LMNA: variants seen among roughly 807,000 people sequenced by gnomAD.
LMNA encodes the protein lamin A/C.
Under a neutral mutation model 70.4 loss-of-function variants are expected in LMNA, and 20 were observed. That is an observed-to-expected ratio of 0.28 (90% CI 0.20 to 0.41). The LOEUF (loss-of-function observed/expected upper bound fraction) is 0.41. Ranked by LOEUF, LMNA falls within the 10% of genes least tolerant of loss-of-function variation. The pLI is 1.00. For missense variants in LMNA, 652 were observed against 917.2 expected, an observed-to-expected ratio of 0.71 and a Z score of 3.73; for synonymous variants, 339 against 372.8, an observed-to-expected ratio of 0.91 and a Z score of 1.04.
chr1:156,103,548 G>A lies in LMNA; in HGVS notation c.-206-11165G>A, dbSNP rs1034259828. Among the ~76,000 whole-genome samples, 2 of 152,110 alleles carry A rather than the reference G, an allele frequency of 1.3e-5. No homozygotes were observed. The highest frequency in any genetic ancestry group is 2.9e-5 in the Non-Finnish European group (2 of 67,990). On this transcript the variant is annotated intron_variant, in intron 3 of 12. Transcript: ENST00000368301. The surrounding 1 kb of genome is among the most constrained non-coding windows in gnomAD (Gnocchi z 4.7). ...GGCAGATGGTGGCCCCCTTGAGGAGGAGATGGGAGGGCAGCGCATACCCCT... is the reference window on the plus strand; with the variant it reads ...GGCAGATGGTGGCCCCCTTGAGGAGAAGATGGGAGGGCAGCGCATACCCCT...
Position 156,130,643 on chromosome 1 carries a change from T to C in LMNA, c.383T>C (p.Ile128Thr), listed in dbSNP as rs746475627. ...ARNTKKEGDL[I>T]AAQARLKDLE... ...AATACCAAGAAGGAGGGTGACCTGA[T>C]AGCTGCTCAGGCTCGGCTGAAGGAC... The change falls in exon 2 of 12, where the codon ATA (isoleucine) becomes ACA (threonine). Residue 128 changes from isoleucine (I) to threonine (T), a missense_variant. Ile to Thr is a moderately conservative substitution (Grantham distance 89). Around this residue, in one of 4 missense-constraint regions of LMNA, gnomAD observed 254 missense variants for 421.9 expected, o/e 0.60. Transcript: ENST00000368300. The C allele has an allele frequency of 1.2e-6, 2 of 1,614,062 alleles. No homozygotes were observed. The highest frequency in any genetic ancestry group is 1.3e-5 in the African/African-American group (1 of 75,062).
Position 156,137,005 on chromosome 1 carries a change from C to T in LMNA, c.1465C>T (p.Leu489=). Reference sequence around the variant, plus strand: ...TTACCGGTTCCCACCAAAGTTCACCCTGAAGGCTGGGCAGGTGGTGACGGT... The same window carrying T: ...TTACCGGTTCCCACCAAAGTTCACCTTGAAGGCTGGGCAGGTGGTGACGGT... The part of the protein sequence containing the change: ...LTYRFPPKFT[L]KAGQVVTIWA... Residue 489 remains leucine, a synonymous_variant, in exon 8 of 12, where the codon CTG becomes TTG. Transcript: ENST00000368300. The surrounding 1 kb of genome is among the most constrained non-coding windows in gnomAD (Gnocchi z 4.6). 1 of 1,614,206 alleles carries T rather than the reference C, an allele frequency of 6.2e-7. No individual in the cohort carries two copies. Among genetic ancestry groups the T allele is most frequent in the Non-Finnish European group, 8.5e-7 (1 of 1,180,028 alleles).
At chr1:156,126,289 C>A in intron 1 of LMNA, 1 of 1,218,176 alleles carries the variant, frequency 8.2e-7, no homozygotes, top group Non-Finnish European at 1.1e-6. Flanking sequence ...TCCTCCACCT[C>A]CCCTTTGTCT....
Position 156,135,239 on chromosome 1 carries a change from C to G in LMNA, c.863C>G (p.Ala288Gly), listed in dbSNP as rs397517911. Reference protein sequence around the residue: ...AERNSNLVGAAHEELQQSRIR... With the variant: ...AERNSNLVGAGHEELQQSRIR... Reference sequence around the variant, plus strand: ...AGGAACAGCAACCTGGTGGGGGCTGCCCACGAGGAGCTGCAGCAGTCGCGC... The same window carrying G: ...AGGAACAGCAACCTGGTGGGGGCTGGCCACGAGGAGCTGCAGCAGTCGCGC... Residue 288 changes from alanine (A) to glycine (G), a missense_variant, in exon 5 of 12, where the codon GCC becomes GGC. Coordinates refer to ENST00000368300, the MANE Select transcript of LMNA (RefSeq NM_170707.4). This position sits in a 1 kb window ranked among gnomAD's most constrained non-coding sequence, Gnocchi z 4.8. The G allele has an allele frequency of 6.2e-7, 1 of 1,613,808 alleles. No individual in the cohort carries two copies. Among genetic ancestry groups the G allele is most frequent in the Non-Finnish European group, 8.5e-7 (1 of 1,180,026 alleles).
chr1:156,130,022 C>G (rs1458552087), intron 1 of LMNA: 4 of 635,126 alleles, frequency 6.3e-6, no homozygotes, highest in Non-Finnish European at 1.2e-5. Context: ...AGGAAAGGGT[C>G]AATATTGTGC....
intron 3 of LMNA, among the ~76,000 whole-genome samples, chr1:156,093,402 C>A (rs908711053): frequency 6.7e-6 from 1 of 148,414 alleles, no homozygotes; most frequent in African/African-American, 2.5e-5. Context: ...TGCCTCCTGG[C>A]TCAAGCCATC....
At chr1:156,093,674 A>G (rs1648800343) in intron 3 of LMNA, 1 of 152,172 alleles carries the variant, frequency 6.6e-6, no homozygotes, top group Non-Finnish European at 1.5e-5. Flanking sequence ...ATCATGCTCT[A>G]TTGTAACTGT....
At chr1:156,086,820 G>C (rs2102785624) in intron 2 of LMNA, among the ~76,000 whole-genome samples, 1 of 152,306 alleles carries the variant, frequency 6.6e-6, no homozygotes, top group East Asian at 1.9e-4. Context: ...TGTACTTTTA[G>C]TAGAGACGGG....
At chr1:156,121,183 G>A (rs1302845916) in intron 1 of LMNA, among the ~76,000 whole-genome samples, 4 of 151,208 alleles carry the variant, frequency 2.6e-5, no homozygotes, top group Non-Finnish European at 5.9e-5. Context: ...CCAAGAAGCT[G>A]GGACTATAGG....
rs748892968 is a variant in LMNA, at chr1:156,127,160, C to G, written c.357-3457C>G. 2.5e-4 allele frequency among the ~76,000 whole-genome samples: 38 copies of G among 152,150 alleles called. No individual in the cohort carries two copies. Among genetic ancestry groups the G allele is most frequent in the Non-Finnish European group, 3.4e-4 (23 of 67,980 alleles). On this transcript the variant is annotated intron_variant, in intron 1 of 11. Coordinates refer to ENST00000368300, the MANE Select transcript of LMNA (RefSeq NM_170707.4). ...TGGCTAGGGTCTACTTTGGTCCCTG[C>G]TAGGTCTGAGGACCCCTCCTAGGAA...
chr1:156,139,949 C>G lies in LMNA; in HGVS notation c.*843C>G. 9.7e-7 allele frequency: 1 copy of G among 1,032,240 alleles called. No homozygotes were observed. Among genetic ancestry groups the G allele is most frequent in the Non-Finnish European group, 1.3e-6 (1 of 745,210 alleles). 63.9% of individuals were successfully genotyped at this position (1,032,240 alleles called of 1,614,324 possible). Reference sequence around the variant, plus strand: ...AAAGGGGAGAGCCTGCTGGCACCCACCGTGGAGGAGGAAGGCAAGAGGGGG... The same window carrying G: ...AAAGGGGAGAGCCTGCTGGCACCCAGCGTGGAGGAGGAAGGCAAGAGGGGG... On this transcript the variant is annotated 3_prime_UTR_variant, in exon 12 of 12. Coordinates refer to ENST00000368300, the MANE Select transcript of LMNA (RefSeq NM_170707.4).
upstream of LMNA, among the ~76,000 whole-genome samples, chr1:156,112,335 A>G (rs1558114406): frequency 6.6e-6 from 1 of 152,144 alleles, no homozygotes; most frequent in Non-Finnish European, 1.5e-5. Flanking sequence ...GCAGTGAGCT[A>G]TGATCCTGCC....
intron 3 of LMNA, among the ~76,000 whole-genome samples, chr1:156,096,489 A>G (rs1001464094): frequency 1.1e-4 from 17 of 152,272 alleles, no homozygotes; most frequent in African/African-American, 4.1e-4. Flanking sequence ...ATTATTATCC[A>G]GGACTCAGCT....
At chr1:156,088,942 G>A (rs1032714814) in intron 2 of LMNA, among the ~76,000 whole-genome samples, 9 of 152,162 alleles carry the variant, frequency 5.9e-5, no homozygotes, top group Non-Finnish European at 1.0e-4. Context: ...GTGAGCCACC[G>A]CACCCAGCCT....
rs1651446094 is a variant in LMNA at position 156,135,211 on chromosome 1, G to A, written c.835G>A (p.Glu279Lys). ...AKLDNARQSA[E>K]RNSNLVGAAH... ...GCTGGACAATGCCAGGCAGTCTGCTGAGAGGAACAGCAACCTGGTGGGGGC... is the reference window on the plus strand; with the variant it reads ...GCTGGACAATGCCAGGCAGTCTGCTAAGAGGAACAGCAACCTGGTGGGGGC... The change falls in exon 5 of 12, where the codon GAG becomes AAG. Residue 279 changes from glutamate to lysine, a missense_variant. By Grantham distance (56) the Glu-to-Lys change is moderately conservative. Transcript: ENST00000368300. This position sits in a 1 kb window ranked among gnomAD's most constrained non-coding sequence, Gnocchi z 4.8. 6.2e-7 allele frequency: 1 copy of A among 1,613,860 alleles called. No individual in the cohort carries two copies. The highest frequency in any genetic ancestry group is 1.3e-5 in the African/African-American group (1 of 74,950).
intron 1 of LMNA, among the ~76,000 whole-genome samples, chr1:156,125,220 T>A (rs1018370856): frequency 2.6e-5 from 4 of 151,920 alleles, no homozygotes; most frequent in Non-Finnish European, 4.4e-5. Context: ...CAGGCTCAAG[T>A]AGGCTGAGGG....
At chr1:156,132,455 G>A (rs1254630399) in intron 2 of LMNA, among the ~76,000 whole-genome samples, 1 of 152,056 alleles carries the variant, frequency 6.6e-6, no homozygotes, top group Non-Finnish European at 1.5e-5. Flanking sequence ...AGGCAACAGA[G>A]CGAGACTCCA....
At chr1:156,095,432 C>T (rs180885459) in intron 3 of LMNA, among the ~76,000 whole-genome samples, 2 of 151,604 alleles carry the variant, frequency 1.3e-5, no homozygotes, top group Non-Finnish European at 2.9e-5. Flanking sequence ...TCAGTTTCCT[C>T]TTCTCAAGTG....
At chr1:156,093,293 A>G (rs1572314000) in intron 3 of LMNA, among the ~76,000 whole-genome samples, 1 of 125,526 alleles carries the variant, frequency 8.0e-6, no homozygotes, top group Non-Finnish European at 1.7e-5. Flanking sequence ...CTCAATTTAT[A>G]TGTCAATTTT....
Sources: gnomAD v4.1 joint callset for allele counts (sites outside exome capture counted in the v4.1 genomes callset) on GRCh38, gnomAD v4.1.1 for gene constraint, gnomAD v4.1.1 regional missense constraint, Gnocchi (gnomAD v3.1) non-coding constraint, MANE v1.5 for transcripts, NCBI Gene and HGNC (gene_info 2026-07-23, HGNC 2026-07-21) for gene names.